The following TMEM132D variants were observed in gnomAD, a reference collection of about 807,000 sequenced individuals.
The protein encoded by TMEM132D is transmembrane protein 132D.
Under a neutral mutation model 62.3 loss-of-function variants are expected in TMEM132D, and 21 were observed. That is an observed-to-expected ratio of 0.34 (90% CI 0.24 to 0.49). TMEM132D has a LOEUF of 0.49. Ranked by LOEUF, TMEM132D falls within the 20% of genes least tolerant of loss-of-function variation. The probability of loss-of-function intolerance (pLI) is 0.99; values close to 1 mark genes in which losing one functional copy is unlikely to be tolerated. For missense variants in TMEM132D, 1,346 were observed against 1,402.8 expected, an observed-to-expected ratio of 0.96 and a Z score of 0.65; for synonymous variants, 621 against 575.6, an observed-to-expected ratio of 1.08 and a Z score of -1.13.
At chr12:129,140,502 A>T (rs1876707626) in intron 5 of TMEM132D, among the ~76,000 whole-genome samples, 1 of 152,158 alleles carries the variant, frequency 6.6e-6, no homozygotes, top group African/African-American at 2.4e-5. Context: ...AGAATTTTAC[A>T]GTATAGAGTC....
chr12:129,132,399 G>A (rs1031036068), intron 5 of TMEM132D, among the ~76,000 whole-genome samples: 1 of 152,012 alleles, frequency 6.6e-6, no homozygotes, highest in East Asian at 1.9e-4. Context: ...GACAAATAAG[G>A]GTTTTGTTGT....
intron 1 of TMEM132D, among the ~76,000 whole-genome samples, chr12:129,830,433 AC>A (rs889111958): frequency 3.9e-5 from 6 of 152,160 alleles, no homozygotes; most frequent in Non-Finnish European, 8.8e-5. Context: ...GCTCATTCAG[AC>A]AGAGGCATAT....
At chr12:129,809,796 A>ATG (rs1425625987) in intron 1 of TMEM132D, among the ~76,000 whole-genome samples, 1 of 152,180 alleles carries the variant, frequency 6.6e-6, no homozygotes, top group African/African-American at 2.4e-5. Flanking sequence ...GAAAAGTAGC[A>ATG]ATGAGAGAGG....
intron 2 of TMEM132D, among the ~76,000 whole-genome samples, chr12:129,621,354 C>T (rs969770493): frequency 1.3e-5 from 2 of 152,160 alleles, no homozygotes; most frequent in South Asian, 2.1e-4. Context: ...CATGCTGCCA[C>T]GATGCTCTCT....
chr12:129,187,057 G>C (rs1214722119), intron 5 of TMEM132D, among the ~76,000 whole-genome samples: 1 of 152,194 alleles, frequency 6.6e-6, no homozygotes, highest in Non-Finnish European at 1.5e-5. Context: ...CCACCCAAGA[G>C]TATCTGTGTT....
intron 1 of TMEM132D, among the ~76,000 whole-genome samples, chr12:129,830,096 G>C (rs73160255): frequency 0.071 from 10,862 of 152,212 alleles, 427 homozygotes; most frequent in East Asian, 0.11. Context: ...ACCCACACCT[G>C]CATCCTCCAA....
At chr12:129,572,851 T>C (rs1877556299) in intron 2 of TMEM132D, among the ~76,000 whole-genome samples, 1 of 152,114 alleles carries the variant, frequency 6.6e-6, no homozygotes, top group South Asian at 2.1e-4. Context: ...GAAAGCCAAT[T>C]TCGTGGCTTT....
chr12:129,816,038 A>T (rs1185892288), intron 1 of TMEM132D, among the ~76,000 whole-genome samples: 2 of 152,146 alleles, frequency 1.3e-5, no homozygotes, highest in African/African-American at 4.8e-5. Context: ...CACGCTGGTG[A>T]CCCAGTTCAC....
chr12:129,156,322 T>C (rs1877243626), intron 5 of TMEM132D, among the ~76,000 whole-genome samples: 1 of 151,208 alleles, frequency 6.6e-6, no homozygotes, highest in Non-Finnish European at 1.5e-5. Context: ...TCCAATAAAA[T>C]GAACATACTC....
At chr12:129,662,016 A>G (rs1444990902) in intron 2 of TMEM132D, among the ~76,000 whole-genome samples, 1 of 152,208 alleles carries the variant, frequency 6.6e-6, no homozygotes, top group East Asian at 1.9e-4. Context: ...CAGAAGTGTA[A>G]TAGAAGCTCA....
At chr12:129,731,036 C>A (rs117122613) in intron 1 of TMEM132D, among the ~76,000 whole-genome samples, 2,581 of 152,116 alleles carry the variant, frequency 0.017, 103 homozygotes, top group East Asian at 0.13. Context: ...TACATCTATC[C>A]TATTGGTTCT....
At chr12:129,393,452 G>C (rs1209382104) in intron 3 of TMEM132D, among the ~76,000 whole-genome samples, 3 of 152,216 alleles carry the variant, frequency 2.0e-5, no homozygotes, top group Non-Finnish European at 4.4e-5. Context: ...AATCACAGGG[G>C]CTGAAGGTGG....
intron 4 of TMEM132D, among the ~76,000 whole-genome samples, chr12:129,301,149 G>A (rs1436947624): frequency 2.0e-5 from 3 of 152,174 alleles, no homozygotes; most frequent in Non-Finnish European, 4.4e-5. Context: ...CCCGAGAGCA[G>A]AAGCTGGAAA....
chr12:129,174,969 T>G (rs1877861297), intron 5 of TMEM132D, among the ~76,000 whole-genome samples: 1 of 152,380 alleles, frequency 6.6e-6, no homozygotes, highest in South Asian at 2.1e-4. Flanking sequence ...AAATTCTGGA[T>G]ACTAGACCTT....
At chr12:129,535,370 T>TCACTATAGTG (rs1876352476) in intron 2 of TMEM132D, among the ~76,000 whole-genome samples, 1 of 152,200 alleles carries the variant, frequency 6.6e-6, no homozygotes, top group Admixed American at 6.5e-5. Context: ...ATCCCCACTG[T>TCACTATAGTG]GACCCTGTCA....
Position 129,338,331 on chromosome 12 carries a change from A to C in TMEM132D, c.1116-514T>G, listed in dbSNP as rs557761753. Among the ~76,000 whole-genome samples the C allele has an allele frequency of 2.6e-5, 4 of 152,178 alleles. 1 individual carries two copies. Among genetic ancestry groups the C allele is most frequent in the African/African-American group, 9.6e-5 (4 of 41,518 alleles). On this transcript the variant is annotated intron_variant, in intron 3 of 8. Coordinates refer to ENST00000422113, the MANE Select transcript of TMEM132D (RefSeq NM_133448.3). Reference sequence around the variant, plus strand: ...GAAACAGGCAACGTGTGCACAACAAACCAGGGTCAAGGGGGTCGCTGTGAT... The same window carrying C: ...GAAACAGGCAACGTGTGCACAACAACCCAGGGTCAAGGGGGTCGCTGTGAT...
chr12:129,320,733 A>G (rs770976390), intron 4 of TMEM132D, among the ~76,000 whole-genome samples: 1 of 152,234 alleles, frequency 6.6e-6, no homozygotes, highest in Non-Finnish European at 1.5e-5. Flanking sequence ...TAGTTGAAAC[A>G]TTTGTAATGG....
chr12:129,262,341 A>C (rs1010260604), intron 4 of TMEM132D: 1 of 152,214 alleles, frequency 6.6e-6, no homozygotes, highest in East Asian at 1.9e-4. Context: ...TAGTAGTAAC[A>C]TTATAACCCT....
At chr12:129,212,470 GGA>G (rs1879083858) in intron 4 of TMEM132D, 1 of 147,796 alleles carries the variant, frequency 6.8e-6, no homozygotes, top group Admixed American at 6.8e-5. Context: ...GATAAGAGGA[GGA>G]CAAAAGAGAC....
Sources: allele counts gnomAD v4.1 joint callset (sites outside exome capture counted in the v4.1 genomes callset), GRCh38; gene constraint gnomAD v4.1.1; transcripts MANE v1.5; gene names NCBI Gene and HGNC (gene_info 2026-07-23, HGNC 2026-07-21).